The following ODAD2 variants were observed in gnomAD, a reference collection of about 807,000 sequenced individuals.
The protein encoded by ODAD2 is outer dynein arm docking complex subunit 2, also known as outer dynein arm-docking complex subunit 2.
Under a neutral mutation model 106.8 loss-of-function variants are expected in ODAD2, and 89 were observed. The observed-to-expected ratio is 0.83, with a 90% confidence interval of 0.70 to 0.99. ODAD2 has a LOEUF of 0.99. ODAD2 is among the 50% of genes least tolerant of loss of function. The pLI is 0.00. For missense variants in ODAD2, 1,168 were observed against 1,238.5 expected (o/e 0.94, Z 0.85); for synonymous variants, 404 against 436.2 (o/e 0.93, Z 0.92).
Position 27,987,051 on chromosome 10 carries a change from C to T in ODAD2, c.382+335G>A, listed in dbSNP as rs571965264. Among the ~76,000 whole-genome samples, 6 of 152,340 alleles carry T rather than the reference C, an allele frequency of 3.9e-5. No homozygotes were observed. In the East Asian group the frequency reaches 9.7e-4, roughly 25 times the overall value. On this transcript the variant is annotated intron_variant, in intron 3 of 19. Transcript: ENST00000305242. ...GGCCAGCCCTTGTCATCTGTCTTCT[C>T]TATTGACACTGACCTAACAGGCTAC...
At chr10:27,923,324 G>A (rs181410578) in intron 16 of ODAD2, among the ~76,000 whole-genome samples, 289 of 139,534 alleles carry the variant, frequency 2.1e-3, no homozygotes, top group African/African-American at 7.3e-3. Flanking sequence ...CAAGCAAATG[G>A]AAACAGTAAG....
intron 1 of ODAD2, among the ~76,000 whole-genome samples, chr10:27,996,914 C>A (rs1264052766): frequency 6.6e-6 from 1 of 152,114 alleles, no homozygotes; most frequent in Non-Finnish European, 1.5e-5. Flanking sequence ...CGTTTACATG[C>A]CAATCTTTTC....
intron 17 of ODAD2, among the ~76,000 whole-genome samples, chr10:27,891,638 T>G (rs1452431505): frequency 6.6e-6 from 1 of 152,014 alleles, no homozygotes; most frequent in Non-Finnish European, 1.5e-5. Context: ...TTACTTCTTA[T>G]GAAAATGCAA....
chr10:27,874,639 T>A (rs1331607962), intron 17 of ODAD2, among the ~76,000 whole-genome samples: 2 of 152,184 alleles, frequency 1.3e-5, no homozygotes, highest in African/African-American at 4.8e-5. Flanking sequence ...GCTATGAAAT[T>A]CTGGGTTGAA....
intron 17 of ODAD2, among the ~76,000 whole-genome samples, chr10:27,876,218 T>C (rs1589890253): frequency 6.6e-6 from 1 of 152,072 alleles, no homozygotes; most frequent in South Asian, 2.1e-4. Context: ...AGCACAGAGT[T>C]TGAGATCTGA....
Position 27,994,951 on chromosome 10 carries a change from C to T in ODAD2, c.192G>A (p.Ala64=), listed in dbSNP as rs760968744. Residue 64 remains alanine (A), a synonymous_variant, in exon 2 of 20, where the codon GCG becomes GCA. Transcript: ENST00000305242. ...CATAACCTGATTCAAATGCTGAGGG[C>T]GCCAAACTTGTGTTCCATTCAAGTG... The part of the protein sequence containing the change: ...VEPLEWNTSL[A]PSAFESGYVV... 28 of 1,614,018 alleles carry T rather than the reference C, an allele frequency of 1.7e-5. No homozygotes were observed. Among genetic ancestry groups the T allele is most frequent in the East Asian group, 1.1e-4 (5 of 44,900 alleles).
At chr10:27,885,742 T>TATAAAA (rs1842132234) in intron 17 of ODAD2, among the ~76,000 whole-genome samples, 1 of 44,324 alleles carries the variant, frequency 2.3e-5, no homozygotes, top group Non-Finnish European at 4.4e-5. Flanking sequence ...ATATATTATG[T>TATAAAA]TATATATAAT....
intron 16 of ODAD2, among the ~76,000 whole-genome samples, chr10:27,929,630 CTACATTCACCAATCCTG>C (rs1483490733): frequency 6.6e-6 from 1 of 152,108 alleles, no homozygotes; most frequent in African/African-American, 2.4e-5. Flanking sequence ...CTAGAGAGTA[CTACATTCACCAATCCTG>C]TATGCTTACG....
intron 17 of ODAD2, among the ~76,000 whole-genome samples, chr10:27,875,253 C>T (rs942449447): frequency 1.3e-5 from 2 of 152,140 alleles, no homozygotes; most frequent in African/African-American, 4.8e-5. Context: ...GTTAGCCCTT[C>T]ATCTAATCTT....
At chr10:27,850,989 T>C (rs941456642) in intron 19 of ODAD2, among the ~76,000 whole-genome samples, 2 of 151,844 alleles carry the variant, frequency 1.3e-5, no homozygotes, top group East Asian at 1.9e-4. Flanking sequence ...ATAATGGAGA[T>C]TGGGGAGTGG....
chr10:27,958,792 C>T, intron 10 of ODAD2: 2 of 1,213,962 alleles, frequency 1.6e-6, no homozygotes, highest in South Asian at 1.4e-5. Flanking sequence ...ATTTTTCCAT[C>T]TTCACCAATG....
At chr10:27,849,846 A>G (rs1839112524) in intron 19 of ODAD2, among the ~76,000 whole-genome samples, 1 of 152,220 alleles carries the variant, frequency 6.6e-6, no homozygotes, top group Admixed American at 6.5e-5. Flanking sequence ...AATTCTTTTT[A>G]AAGTCGCAAA....
At chr10:27,993,974 A>ATATATGTATGTG (rs369833558) in intron 2 of ODAD2, among the ~76,000 whole-genome samples, 4 of 140,546 alleles carry the variant, frequency 2.8e-5, no homozygotes, top group African/African-American at 8.1e-5. Flanking sequence ...ATATATATAT[A>ATATATGTATGTG]TGTGTGTGTG....
chr10:27,982,040 C>T (rs1448257758), intron 6 of ODAD2: 1 of 152,508 alleles, frequency 6.6e-6, no homozygotes, highest in Non-Finnish European at 1.5e-5. Context: ...TTGCTATAGG[C>T]TTATTTTCTA....
chr10:27,898,510 T>C (rs1403452404), intron 17 of ODAD2, among the ~76,000 whole-genome samples: 1 of 152,154 alleles, frequency 6.6e-6, no homozygotes, highest in Non-Finnish European at 1.5e-5. Context: ...CTTAAATATA[T>C]AGTGATCTTT....
At chr10:27,945,153 A>G (rs1846805421) in intron 10 of ODAD2, among the ~76,000 whole-genome samples, 191 bp from the exon 11 acceptor site, 1 of 152,196 alleles carries the variant, frequency 6.6e-6, no homozygotes, top group Non-Finnish European at 1.5e-5. Context: ...ATTAAGATTC[A>G]ACATTTAAAG....
At chr10:27,851,494 C>G (rs181745685) in intron 19 of ODAD2, among the ~76,000 whole-genome samples, 1 of 151,200 alleles carries the variant, frequency 6.6e-6, no homozygotes, top group African/African-American at 2.4e-5. Context: ...AGTAGAGACA[C>G]GAAAGATGTG....
chr10:27,836,202 A>G (rs1837873552), intron 19 of ODAD2: 1 of 152,182 alleles, frequency 6.6e-6, no homozygotes, highest in South Asian at 2.1e-4. Context: ...ATACATATGC[A>G]TGTATATGTG....
intron 19 of ODAD2, among the ~76,000 whole-genome samples, chr10:27,840,772 C>T (rs1020107567): frequency 2.0e-5 from 3 of 152,178 alleles, no homozygotes; most frequent in Admixed American, 6.5e-5. Flanking sequence ...TGGAGCTCAG[C>T]GCCTTCTTAG....
Sources: allele counts gnomAD v4.1 joint callset (sites outside exome capture counted in the v4.1 genomes callset), GRCh38; gene constraint gnomAD v4.1.1; transcripts MANE v1.5; gene names NCBI Gene and HGNC (gene_info 2026-07-23, HGNC 2026-07-21).